The following ST8SIA6 variants were observed in gnomAD, a reference collection of about 807,000 sequenced individuals.
ST8SIA6 encodes the protein ST8 alpha-N-acetyl-neuraminide alpha-2,8-sialyltransferase 6.
In ST8SIA6, 39 loss-of-function variants were observed where a neutral mutation model predicts 33.6. The ratio of observed to expected loss-of-function variants is 1.16; its 90% CI spans 0.90 to 1.52. The LOEUF (loss-of-function observed/expected upper bound fraction) is 1.52. ST8SIA6 is among the 40% of genes most tolerant of loss of function. The probability of loss-of-function intolerance (pLI) is 0.00; values close to 1 mark genes in which losing one functional copy is unlikely to be tolerated. For synonymous variants in ST8SIA6, 172 were observed against 167.2 expected (o/e 1.03, Z -0.22); for missense variants, 441 against 443.8 (o/e 0.99, Z 0.06).
intron 2 of ST8SIA6, among the ~76,000 whole-genome samples, chr10:17,413,772 C>G (rs558281246): frequency 6.6e-6 from 1 of 152,126 alleles, no homozygotes; most frequent in Non-Finnish European, 1.5e-5. Flanking sequence ...GTAGAATGGC[C>G]TAAAGAAATC....
Position 17,331,597 on chromosome 10 carries a change from GAAACCGA to G in ST8SIA6, c.378-52_378-46del, listed in dbSNP as rs753954689. 17 of 1,565,644 alleles carry G rather than the reference GAAACCGA, an allele frequency of 1.1e-5. No homozygotes were observed. The East Asian group carries it at 3.9e-4, about 36-fold the overall frequency. ...AAAGGAAGCCAAAGTATAAGATTAA[GAAACCGA>G]AAATGCAGACCACGATGGACAATGC... On this transcript the variant is annotated intron_variant, in intron 4 of 7. Coordinates refer to ENST00000377602, the MANE Select transcript of ST8SIA6 (RefSeq NM_001004470.3).
Position 17,365,972 on chromosome 10 carries a change from C to T in ST8SIA6, c.291-6372G>A, listed in dbSNP as rs1048882359. 5.3e-5 allele frequency among the ~76,000 whole-genome samples: 8 copies of T among 152,006 alleles called. No individual in the cohort carries two copies. In the East Asian group the frequency reaches 1.2e-3, roughly 22 times the overall value. On this transcript the variant is annotated intron_variant, in intron 3 of 7. Transcript: ENST00000377602. ...TCTTTTGCAGCATTTTCACCAAGCC[C>T]CTGAAGAGCTCAGCTCTGCTTGAAA...
At chr10:17,358,476 A>G (rs1328043747) in intron 4 of ST8SIA6, among the ~76,000 whole-genome samples, 1 of 152,204 alleles carries the variant, frequency 6.6e-6, no homozygotes, top group East Asian at 1.9e-4. Flanking sequence ...GAAAATAATG[A>G]GTAAAGATAA....
chr10:17,421,069 C>T (rs1564456343), intron 2 of ST8SIA6, among the ~76,000 whole-genome samples: 1 of 152,196 alleles, frequency 6.6e-6, no homozygotes, highest in Admixed American at 6.5e-5. Flanking sequence ...CCAGGCTCCT[C>T]CCCTGATACA....
chr10:17,364,093 A>C (rs1344617397), intron 3 of ST8SIA6, among the ~76,000 whole-genome samples: 1 of 141,308 alleles, frequency 7.1e-6, no homozygotes, highest in Admixed American at 7.1e-5. Context: ...CTTTTATTTT[A>C]GCTTACTTGA....
chr10:17,450,194 A>G (rs544093076), intron 2 of ST8SIA6, among the ~76,000 whole-genome samples: 22 of 152,252 alleles, frequency 1.4e-4, no homozygotes, highest in African/African-American at 5.1e-4. Context: ...CTGAAAGGTA[A>G]CATCAGTAGG....
Position 17,431,525 on chromosome 10 carries a change from T to A in ST8SIA6, c.200+22034A>T, listed in dbSNP as rs76272415. 8.0e-3 allele frequency among the ~76,000 whole-genome samples: 1,212 copies of A among 152,202 alleles called. 12 individuals carry two copies. The highest frequency in any genetic ancestry group is 0.028 in the African/African-American group (1,151 of 41,512). On this transcript the variant is annotated intron_variant, in intron 2 of 7. Coordinates refer to ENST00000377602, the MANE Select transcript of ST8SIA6 (RefSeq NM_001004470.3). ...TGAAAAATATAGCCCGCCTGGGCTA[T>A]GGTAGAAAAAGCATAAACTGTTAGA...
In ST8SIA6 at chr10:17,368,407, CAAAAA is replaced by C. The variant is rs200826980; in HGVS notation, c.291-8812_291-8808del. ...GGGCAACAAGAGTGAAGCTCTGTCT[CAAAAA>C]AAAAAAAAAAAAAAAAAAAATTCTA... On this transcript the variant is annotated intron_variant, in intron 3 of 7. Transcript: ENST00000377602. 2.4e-4 allele frequency among the ~76,000 whole-genome samples: 17 copies of C among 72,196 alleles called. 1 individual carries two copies. The highest frequency in any genetic ancestry group is 9.1e-3 in the Middle Eastern group (1 of 110). The allele number at this position is 72,196 out of a possible 152,430, so 47.4% of individuals were successfully genotyped here. A position where few individuals can be genotyped will look rare whatever the true frequency, so the allele number is the denominator to read the frequency against.
chr10:17,345,505 G>T (rs1848806216), intron 4 of ST8SIA6, among the ~76,000 whole-genome samples: 1 of 152,232 alleles, frequency 6.6e-6, no homozygotes, highest in Admixed American at 6.5e-5. Flanking sequence ...GGTGAGGCAG[G>T]AGAAGGAGAT....
intron 2 of ST8SIA6, among the ~76,000 whole-genome samples, chr10:17,391,980 T>C (rs977312403): frequency 6.6e-6 from 1 of 152,226 alleles, no homozygotes; most frequent in Non-Finnish European, 1.5e-5. Flanking sequence ...ATCTCTTTCC[T>C]TAGACTTAAA....
chr10:17,360,900 AGAAGAAGAAGAGGAAGAAGG>A (rs1201576179), intron 3 of ST8SIA6, among the ~76,000 whole-genome samples: 16 of 147,898 alleles, frequency 1.1e-4, no homozygotes, highest in African/African-American at 3.8e-4. Context: ...AAGATGACGA[AGAAGAAGAAGAGGAAGAAGG>A]GAAGAAGAAG....
chr10:17,321,877 C>T (rs955607483), intron 7 of ST8SIA6, among the ~76,000 whole-genome samples: 4 of 152,108 alleles, frequency 2.6e-5, no homozygotes, highest in Non-Finnish European at 5.9e-5. Context: ...GAGAAGATCA[C>T]TTGAGGCCAG....
chr10:17,361,653 C>T (rs771924566), intron 3 of ST8SIA6, among the ~76,000 whole-genome samples: 11 of 150,538 alleles, frequency 7.3e-5, no homozygotes, highest in Non-Finnish European at 1.0e-4. Context: ...TAAGATACTT[C>T]CCAACTCACT....
intron 3 of ST8SIA6, among the ~76,000 whole-genome samples, chr10:17,389,209 C>G (rs1006051723): frequency 1.3e-5 from 2 of 152,176 alleles, no homozygotes; most frequent in African/African-American, 4.8e-5. Flanking sequence ...CCCGATCCAA[C>G]GCTCAGGGAG....
intron 4 of ST8SIA6, among the ~76,000 whole-genome samples, chr10:17,337,618 G>C (rs1848547929): frequency 6.6e-6 from 1 of 152,178 alleles, no homozygotes; most frequent in African/African-American, 2.4e-5. Context: ...ATGTGCCAGA[G>C]AGTAAGAGCC....
chr10:17,438,329 G>A (rs553748566), intron 2 of ST8SIA6, among the ~76,000 whole-genome samples: 1 of 152,216 alleles, frequency 6.6e-6, no homozygotes, highest in African/African-American at 2.4e-5. Flanking sequence ...GCATTAAACC[G>A]AATCACCTAG....
intron 3 of ST8SIA6, among the ~76,000 whole-genome samples, chr10:17,375,996 T>C (rs1254102851): frequency 6.6e-6 from 1 of 152,186 alleles, no homozygotes; most frequent in Admixed American, 6.5e-5. Context: ...GGTGCTCCCT[T>C]TCTGTAGTAC....
At chr10:17,424,738 ATTT>A (rs779491848) in intron 2 of ST8SIA6, among the ~76,000 whole-genome samples, 1 of 140,934 alleles carries the variant, frequency 7.1e-6, no homozygotes, top group Admixed American at 7.2e-5. Flanking sequence ...AACATCATAA[ATTT>A]TTTTTTTTTT....
intron 2 of ST8SIA6, among the ~76,000 whole-genome samples, chr10:17,393,390 A>T (rs1361745961): frequency 6.6e-6 from 1 of 152,176 alleles, no homozygotes; most frequent in Non-Finnish European, 1.5e-5. Context: ...TAATACAGGG[A>T]TCCAAATTGC....
Sources: allele counts gnomAD v4.1 joint callset (sites outside exome capture counted in the v4.1 genomes callset), GRCh38; gene constraint gnomAD v4.1.1; transcripts MANE v1.5; gene names NCBI Gene and HGNC (gene_info 2026-07-23, HGNC 2026-07-21).